Variants in EYA2 observed in about 807,000 individuals in gnomAD.
EYA2 encodes the protein protein phosphatase EYA2.
EYA2 carries 31 observed loss-of-function variants against 69.2 expected under a neutral mutation model. The ratio of observed to expected loss-of-function variants is 0.45; its 90% CI spans 0.34 to 0.60. The LOEUF (loss-of-function observed/expected upper bound fraction) is 0.60. Among genes scored for constraint, EYA2 ranks in the 20% least tolerant of loss-of-function variants. The pLI, the probability that EYA2 is intolerant of heterozygous loss-of-function variation, is 0.02. For missense variants in EYA2, 622 were observed against 701.2 expected, an observed-to-expected ratio of 0.89 and a Z score of 1.28; for synonymous variants, 257 against 279.4, an observed-to-expected ratio of 0.92 and a Z score of 0.80.
Position 47,188,328 on chromosome 20 carries a change from A to G in EYA2, c.*195A>G, listed in dbSNP as rs2034688963. 1 of 613,332 alleles carries G rather than the reference A, an allele frequency of 1.6e-6. No individual in the cohort carries two copies. The highest frequency in any genetic ancestry group is 1.9e-5 in the South Asian group (1 of 52,990). The allele number at this position is 613,332 out of a possible 1,614,324, so 38.0% of individuals were successfully genotyped here. A position where few individuals can be genotyped will look rare whatever the true frequency, so the allele number is the denominator to read the frequency against. On this transcript the variant is annotated 3_prime_UTR_variant, in exon 16 of 16. Coordinates refer to ENST00000327619, the MANE Select transcript of EYA2 (RefSeq NM_005244.5). ...GGTTCTGAGAAGGAAAGTACCCAACATTGGCTTCGGAGTATTTGACTTTGG... is the reference window on the plus strand; with the variant it reads ...GGTTCTGAGAAGGAAAGTACCCAACGTTGGCTTCGGAGTATTTGACTTTGG...
intron 10 of EYA2, among the ~76,000 whole-genome samples, chr20:47,162,270 G>C (rs192911839): frequency 6.6e-6 from 1 of 152,190 alleles, no homozygotes; most frequent in East Asian, 1.9e-4. Context: ...ACATCTTGTA[G>C]GGGACACAGT....
intron 5 of EYA2, among the ~76,000 whole-genome samples, chr20:47,034,051 A>T (rs557151773): frequency 2.0e-5 from 3 of 152,222 alleles, no homozygotes; most frequent in Non-Finnish European, 4.4e-5. Context: ...GGAAGTCTCT[A>T]TTTGATGCTG....
chr20:46,954,747 C>G (rs897056339), intron 1 of EYA2, among the ~76,000 whole-genome samples: 6 of 152,166 alleles, frequency 3.9e-5, no homozygotes, highest in African/African-American at 1.2e-4. Flanking sequence ...TCGTTCTGCT[C>G]GAGACTGTGA....
chr20:47,172,258 A>T (rs1178159101), intron 11 of EYA2, among the ~76,000 whole-genome samples: 1 of 151,856 alleles, frequency 6.6e-6, no homozygotes, highest in East Asian at 1.9e-4. Flanking sequence ...ACATAGAGAG[A>T]CTCCATCTCT....
At chr20:47,067,577 T>C (rs187518257) in intron 5 of EYA2, among the ~76,000 whole-genome samples, 1 of 152,186 alleles carries the variant, frequency 6.6e-6, no homozygotes, top group African/African-American at 2.4e-5. Context: ...ATACACCTAA[T>C]ATGTACCCAC....
chr20:46,926,818 C>T lies in EYA2; in HGVS notation c.-11+31831C>T. On this transcript the variant is annotated intron_variant, in intron 1 of 15. Transcript: ENST00000327619. Reference sequence around the variant, plus strand: ...TGCCGTGCCTAATTAAAAATAAATGCAACACCTTGGGTGTGGGAGCAGAGT... The same window carrying T: ...TGCCGTGCCTAATTAAAAATAAATGTAACACCTTGGGTGTGGGAGCAGAGT... 1.3e-5 allele frequency among the ~76,000 whole-genome samples: 2 copies of T among 152,200 alleles called. 1 individual carries two copies. Among genetic ancestry groups the T allele is most frequent in the Non-Finnish European group, 2.9e-5 (2 of 68,040 alleles).
In EYA2 at chr20:47,122,289, G is replaced by GTTT. The variant is rs1180670988; in HGVS notation, c.889-20750_889-20748dup. Among the ~76,000 whole-genome samples, 309 of 110,834 alleles carry GTTT rather than the reference G, an allele frequency of 2.8e-3. 14 individuals carry two copies. The highest frequency in any genetic ancestry group is 9.7e-3 in the African/African-American group (245 of 25,162). 72.7% of individuals were successfully genotyped at this position (110,834 alleles called of 152,430 possible). On this transcript the variant is annotated intron_variant, in intron 9 of 15. Coordinates refer to ENST00000327619, the MANE Select transcript of EYA2 (RefSeq NM_005244.5). The stretch of plus-strand genomic sequence containing the variant: ...GAAATGTTTCTTAGTTATTTTCTTG[G>GTTT]TTTTTTTTTTTTTTTTTTTTTTGAG...
intron 5 of EYA2, among the ~76,000 whole-genome samples, chr20:47,022,387 T>G (rs1425826818): frequency 6.6e-6 from 1 of 152,142 alleles, no homozygotes; most frequent in East Asian, 1.9e-4. Context: ...GATCTCGGCT[T>G]ACTGCAACCT....
chr20:46,930,942 G>A (rs1339034526), intron 1 of EYA2, among the ~76,000 whole-genome samples: 5 of 152,198 alleles, frequency 3.3e-5, no homozygotes, highest in African/African-American at 7.2e-5. Context: ...CTTCAGCCCT[G>A]CTGATATTTG....
chr20:47,133,884 C>T (rs890802212), intron 9 of EYA2, among the ~76,000 whole-genome samples: 1 of 152,224 alleles, frequency 6.6e-6, no homozygotes, highest in Non-Finnish European at 1.5e-5. Flanking sequence ...CTCAGCCACT[C>T]AGACACCAGC....
At chr20:47,178,978 G>A (rs909741630) in intron 12 of EYA2, among the ~76,000 whole-genome samples, 10 of 151,958 alleles carry the variant, frequency 6.6e-5, no homozygotes, top group Non-Finnish European at 1.5e-4. Context: ...AATAAAAATG[G>A]TGTCCACCTC....
At chr20:47,045,323 T>C (rs991853930) in intron 5 of EYA2, among the ~76,000 whole-genome samples, 3 of 152,180 alleles carry the variant, frequency 2.0e-5, no homozygotes, top group African/African-American at 7.2e-5. Flanking sequence ...CCTCATAGCA[T>C]AGTACTGGGT....
chr20:47,102,943 C>T (rs974453005), intron 9 of EYA2, among the ~76,000 whole-genome samples: 13 of 152,140 alleles, frequency 8.5e-5, no homozygotes, highest in Non-Finnish European at 8.8e-5. Flanking sequence ...TGCCTGTGGC[C>T]AGGAAGGGAT....
chr20:47,178,557 C>A lies in EYA2; in HGVS notation c.1199-1241C>A, dbSNP rs1387176382. ...ACTCAGTAGGGACAGGATCATGCTG[C>A]TGGGGGTTTTGAACTTTATCTTAAA... On this transcript the variant is annotated intron_variant, in intron 12 of 15. Transcript: ENST00000327619. Among the ~76,000 whole-genome samples, 9 of 151,272 alleles carry A rather than the reference C, an allele frequency of 5.9e-5. 1 individual carries two copies. The highest frequency in any genetic ancestry group is 4.6e-4 in the Admixed American group (7 of 15,234).
At chr20:46,990,589 A>G (rs1039352007) in intron 2 of EYA2, among the ~76,000 whole-genome samples, 2 of 152,248 alleles carry the variant, frequency 1.3e-5, no homozygotes, top group Non-Finnish European at 2.9e-5. Flanking sequence ...AAGGAAGCAG[A>G]GAAGAATTAA....
At chr20:47,156,085 T>TACACACACACAC (rs1320084095) in intron 10 of EYA2, among the ~76,000 whole-genome samples, 3 of 28,782 alleles carry the variant, frequency 1.0e-4, no homozygotes, top group Non-Finnish European at 1.2e-4. Flanking sequence ...CACATATATA[T>TACACACACACAC]ACATACACAC....
At chr20:46,990,641 G>C (rs1175971463) in intron 2 of EYA2, among the ~76,000 whole-genome samples, 2 of 152,232 alleles carry the variant, frequency 1.3e-5, no homozygotes, top group Non-Finnish European at 2.9e-5. Flanking sequence ...AGTCGAACTA[G>C]TTTTCACTAG....
At chr20:47,096,383 A>G (rs2032247350) in intron 8 of EYA2, among the ~76,000 whole-genome samples, 1 of 152,256 alleles carries the variant, frequency 6.6e-6, no homozygotes, top group African/African-American at 2.4e-5. Context: ...AAACAAGTTT[A>G]TCCTCATTGA....
chr20:46,980,577 C>T (rs1253454410), intron 1 of EYA2, among the ~76,000 whole-genome samples: 1 of 152,182 alleles, frequency 6.6e-6, no homozygotes, highest in African/African-American at 2.4e-5. Flanking sequence ...ATTGGGATTT[C>T]ATCCCCTTAG....
Sources: gnomAD v4.1 joint callset for allele counts (sites outside exome capture counted in the v4.1 genomes callset) on GRCh38, gnomAD v4.1.1 for gene constraint, MANE v1.5 for transcripts, NCBI Gene and HGNC (gene_info 2026-07-23, HGNC 2026-07-21) for gene names.